The following IHO1 variants were observed in gnomAD, a reference collection of about 807,000 sequenced individuals.
IHO1 encodes interactor of HORMAD1 1, also known as interactor of HORMAD1 protein 1.
Under a neutral mutation model 31.0 loss-of-function variants are expected in IHO1, and 13 were observed. The observed-to-expected ratio is 0.42, with a 90% CI of 0.27 to 0.67. The LOEUF (loss-of-function observed/expected upper bound fraction) is 0.67. Among genes scored for constraint, IHO1 ranks in the 30% least tolerant of loss-of-function variants. The pLI, the probability that IHO1 is intolerant of heterozygous loss-of-function variation, is 0.24. For synonymous variants in IHO1, 221 were observed against 248.4 expected (o/e 0.89, Z 1.04); for missense variants, 599 against 687.5 (o/e 0.87, Z 1.44).
intron 1 of IHO1, among the ~76,000 whole-genome samples, chr3:49,206,338 C>T (rs2046136916): frequency 6.6e-6 from 1 of 151,902 alleles, no homozygotes; most frequent in Non-Finnish European, 1.5e-5. Flanking sequence ...CCTCGTGATC[C>T]GCCCACCTCG....
the IHO1 span, among the ~76,000 whole-genome samples, chr3:49,193,084 A>G: frequency 1.3e-5 from 2 of 152,166 alleles, no homozygotes; most frequent in Non-Finnish European, 2.9e-5. Context: ...AATCTTAAAA[A>G]TGTTGGCCAG....
chr3:49,200,402 T>C (rs1575560422), intron 1 of IHO1, among the ~76,000 whole-genome samples: 1 of 143,690 alleles, frequency 7.0e-6, no homozygotes, highest in South Asian at 2.2e-4. Flanking sequence ...GAGGCGGAGG[T>C]GGCAGTGAGC....
chr3:49,194,292 G>GTATATATATATATA (rs141683116), upstream of IHO1, among the ~76,000 whole-genome samples: 10 of 120,184 alleles, frequency 8.3e-5, no homozygotes, highest in African/African-American at 3.3e-4. Context: ...AGTACAAAGT[G>GTATATATATATATA]TATATATATA....
intron 2 of IHO1, among the ~76,000 whole-genome samples, chr3:49,213,010 G>A (rs970396881): frequency 2.0e-5 from 3 of 152,144 alleles, no homozygotes; most frequent in Non-Finnish European, 4.4e-5. Context: ...GTTTTGACAG[G>A]GTGCTGATTG....
chr3:49,236,014 G>A (rs1331483153), intron 2 of IHO1, among the ~76,000 whole-genome samples: 1 of 151,244 alleles, frequency 6.6e-6, no homozygotes, highest in Non-Finnish European at 1.5e-5. Flanking sequence ...GCTGAGATGG[G>A]CGAATCACCT....
At position 49,256,380 on chromosome 3, in the gene IHO1, GT is replaced by G. The variant is rs755891139; in HGVS notation, c.887del (p.Leu296TyrfsTer53). 2 of 1,614,072 alleles carry G rather than the reference GT, an allele frequency of 1.2e-6. No individual in the cohort carries two copies. The highest frequency in any genetic ancestry group is 1.7e-5 in the Admixed American group (1 of 59,994). On this transcript the variant is annotated frameshift_variant, in exon 8 of 8. Transcript: ENST00000452691. LOFTEE classifies it low-confidence loss of function (END_TRUNC). The surrounding 1 kb of genome is among the most constrained non-coding windows in gnomAD (Gnocchi z 4.6). The part of the protein sequence containing the change: ...RQEKYTSEKP[V>X]LWQAQALPAA... Reference sequence around the variant, plus strand: ...GGAAAAATACACCTCTGAGAAACCAGTTTTATGGCAGGCCCAGGCCCTCCCT... The same window carrying G: ...GGAAAAATACACCTCTGAGAAACCAGTTTATGGCAGGCCCAGGCCCTCCCT...
chr3:49,231,111 A>T (rs545482903), intron 2 of IHO1, among the ~76,000 whole-genome samples: 1 of 152,342 alleles, frequency 6.6e-6, no homozygotes, highest in South Asian at 2.1e-4. Flanking sequence ...ACTAATTCAC[A>T]GACTCTAACT....
chr3:49,197,147 A>ATTT (rs71077772), upstream of IHO1, among the ~76,000 whole-genome samples: 4 of 126,962 alleles, frequency 3.2e-5, no homozygotes, highest in East Asian at 2.4e-4. Flanking sequence ...CAGCCGGCTA[A>ATTT]TTTTTTTTTT....
intron 2 of IHO1, among the ~76,000 whole-genome samples, chr3:49,212,279 G>A (rs1443298367): frequency 6.6e-6 from 1 of 152,016 alleles, no homozygotes; most frequent in Admixed American, 6.6e-5. Flanking sequence ...GGCCCAGGTG[G>A]GTGGATCACC....
intron 1 of IHO1, among the ~76,000 whole-genome samples, chr3:49,209,199 C>G (rs1307144047): frequency 6.6e-6 from 1 of 152,178 alleles, no homozygotes; most frequent in Admixed American, 6.5e-5. Context: ...TGGTTTCATT[C>G]TCAACATTAA....
rs190445356 is a variant in IHO1 at position 49,242,496 on chromosome 3, C to A, written c.395+1107C>A. On this transcript the variant is annotated intron_variant, in intron 4 of 7. Transcript: ENST00000452691. ...TAGATTTACATACCACAATTTTTTT[C>A]TCTCTGAAAAATAAAAACTAGAGGA... Among the ~76,000 whole-genome samples, 150 of 152,142 alleles carry A rather than the reference C, an allele frequency of 9.9e-4. 9 individuals are homozygous for A. The East Asian group carries it at 0.02, about 21-fold the overall frequency.
At chr3:49,216,828 AAT>A (rs1425142132) in intron 2 of IHO1, among the ~76,000 whole-genome samples, 1 of 152,210 alleles carries the variant, frequency 6.6e-6, no homozygotes, top group Non-Finnish European at 1.5e-5. Context: ...GTGGGCAAAG[AAT>A]ATGAACAGAC....
chr3:49,191,870 G>T, the IHO1 span: 4 of 1,178,494 alleles, frequency 3.4e-6, no homozygotes, highest in Non-Finnish European at 4.9e-6. Context: ...TTGTTGCTTA[G>T]TGACAAGGGA....
At chr3:49,196,295 G>C (rs946209122), upstream of IHO1, among the ~76,000 whole-genome samples, 1 of 149,716 alleles carries the variant, frequency 6.7e-6, no homozygotes, top group Non-Finnish European at 1.5e-5. Flanking sequence ...GGACCGAATG[G>C]AGCTTCAACT....
chr3:49,257,242 A>G lies in IHO1; in HGVS notation c.1745A>G (p.Tyr582Cys), dbSNP rs752187011. The change falls in exon 8 of 8, where the codon TAT (tyrosine) becomes TGT (cysteine). Residue 582 changes from tyrosine to cysteine, a missense_variant. Tyr to Cys is a radical substitution (Grantham distance 194). Transcript: ENST00000452691. The part of the protein sequence containing the change: ...LCKEAGKNLL[Y>C]DLGFDSSDDD... ...AAGGAGGCAGGAAAGAATTTGCTCT[A>G]TGACCTGGGTTTTGATAGCAGTGAT... is the stretch of plus-strand genomic sequence containing the variant. The G allele has an allele frequency of 8.7e-6, 14 of 1,614,146 alleles. No homozygotes were observed. The East Asian group carries it at 1.8e-4, about 21-fold the overall frequency.
chr3:49,220,442 T>C (rs554477031), intron 2 of IHO1, among the ~76,000 whole-genome samples: 2 of 152,314 alleles, frequency 1.3e-5, no homozygotes, highest in Middle Eastern at 3.4e-3. Context: ...CTCTTAAAGA[T>C]GGTGTGTCCG....
At chr3:49,223,568 A>G (rs1344646015) in intron 2 of IHO1, among the ~76,000 whole-genome samples, 2 of 152,036 alleles carry the variant, frequency 1.3e-5, no homozygotes, top group African/African-American at 2.4e-5. Context: ...GTGGGCACCT[A>G]TAGTCCCAGC....
In IHO1 at chr3:49,226,366, C is replaced by T. The variant is rs551529143; in HGVS notation, c.57-10182C>T. The stretch of plus-strand genomic sequence containing the variant: ...TTATCTTTTAGGATCAATTGACCCT[C>T]GAGTGAGTCAGGTGACAGGGGAGTA... On this transcript the variant is annotated intron_variant, in intron 2 of 7. Coordinates refer to ENST00000452691, the MANE Select transcript of IHO1 (RefSeq NM_001135197.2). Among the ~76,000 whole-genome samples the T allele has an allele frequency of 2.5e-3, 380 of 152,288 alleles. 2 individuals are homozygous for T. Among genetic ancestry groups the T allele is most frequent in the Admixed American group, 4.1e-3 (63 of 15,292 alleles).
Position 49,219,825 on chromosome 3 carries a change from G to A in IHO1, c.56+7989G>A, listed in dbSNP as rs569396796. ...ATGGGACAAGTGTGGGCTCTGGTTC[G>A]TTCCACCTTGGAACCTTTCATACTA... is the stretch of plus-strand genomic sequence containing the variant. On this transcript the variant is annotated intron_variant, in intron 2 of 7. Transcript: ENST00000452691. 1.8e-4 allele frequency among the ~76,000 whole-genome samples: 28 copies of A among 152,298 alleles called. No individual in the cohort carries two copies. In the East Asian group the frequency reaches 3.9e-3, roughly 21 times the overall value.
Sources: gnomAD v4.1 joint callset for allele counts (sites outside exome capture counted in the v4.1 genomes callset) on GRCh38, gnomAD v4.1.1 for gene constraint, Gnocchi (gnomAD v3.1) non-coding constraint, MANE v1.5 for transcripts, NCBI Gene and HGNC (gene_info 2026-07-23, HGNC 2026-07-21) for gene names.